Variants in KRR1 observed in about 807,000 individuals in gnomAD.
KRR1 encodes KRR1 small subunit processome component.
KRR1 carries 23 observed loss-of-function variants against 50.0 expected under a neutral mutation model. The observed-to-expected ratio is 0.46, with a 90% confidence interval of 0.33 to 0.65. KRR1 has a LOEUF of 0.65. KRR1 is among the 30% of genes least tolerant of loss of function. KRR1 has a pLI of 0.02. For missense variants in KRR1, 419 were observed against 442.4 expected (o/e 0.95, Z 0.47); for synonymous variants, 133 against 146.3 (o/e 0.91, Z 0.66).
At chr12:75,500,581 A>C (rs896040119) in intron 9 of KRR1, 3 of 152,056 alleles carry the variant, frequency 2.0e-5, no homozygotes, top group Non-Finnish European at 4.4e-5. Context: ...TGGTATATTT[A>C]ACAACATTTT....
chr12:75,500,379 TAA>T (rs1196189870), intron 9 of KRR1: 2 of 152,174 alleles, frequency 1.3e-5, no homozygotes, highest in African/African-American at 4.8e-5. Flanking sequence ...CCCTTCTCAA[TAA>T]GTTTAATCAG....
intron 1 of KRR1, among the ~76,000 whole-genome samples, chr12:75,510,436 A>G (rs533969995): frequency 1.5e-3 from 223 of 152,360 alleles, no homozygotes; most frequent in African/African-American, 4.3e-3. Flanking sequence ...ACAAGGAAAC[A>G]CCACATAACA....
chr12:75,506,409 G>T lies in KRR1; in HGVS notation c.520-10C>A, dbSNP rs1222184131. Reference sequence around the variant, plus strand: ...TTAAGAGTTCCAATGCCTGTATCAAGAGATCAAGTTAAAATTCATTACTCT... The same window carrying T: ...TTAAGAGTTCCAATGCCTGTATCAATAGATCAAGTTAAAATTCATTACTCT... On this transcript the variant is annotated splice_polypyrimidine_tract_variant and intron_variant, in intron 4 of 9. Transcript: ENST00000229214. The T allele has an allele frequency of 1.9e-6, 3 of 1,605,706 alleles. No homozygotes were observed. Among genetic ancestry groups the T allele is most frequent in the Admixed American group, 3.5e-5 (2 of 57,030 alleles).
At position 75,493,342 on chromosome 12, in the gene KRR1, T is replaced by G. The variant is rs1364901739; in HGVS notation, c.*6467A>C. The stretch of plus-strand genomic sequence containing the variant: ...TTATTTTCCTATACACAAAAAGTTG[T>G]AGGCCCCCATTCCACATAATCTTAG... On this transcript the variant is annotated 3_prime_UTR_variant, in exon 10 of 10. Coordinates refer to ENST00000229214, the MANE Select transcript of KRR1 (RefSeq NM_007043.7). 13 of 152,194 alleles carry G rather than the reference T, an allele frequency of 8.5e-5. No homozygotes were observed. Among genetic ancestry groups the G allele is most frequent in the Admixed American group, 8.5e-4 (13 of 15,272 alleles). 9.4% of individuals were successfully genotyped at this position (152,194 alleles called of 1,614,324 possible). A position where few individuals can be genotyped will look rare whatever the true frequency, so the allele number is the denominator to read the frequency against.
At chr12:75,506,162 C>T in intron 5 of KRR1, 154 bp downstream of exon 5, 1 of 552,042 alleles carries the variant, frequency 1.8e-6, no homozygotes, top group Non-Finnish European at 3.1e-6. Flanking sequence ...ATGATGATTC[C>T]CTTGAATTAT....
intron 5 of KRR1, 60 bp from the exon 6 acceptor site, chr12:75,505,314 G>T (rs1461515900): frequency 4.7e-6 from 7 of 1,478,070 alleles, no homozygotes; most frequent in African/African-American, 1.4e-5. Flanking sequence ...ATGGAGAAGA[G>T]GATTAATACT....
Position 75,498,947 on chromosome 12 carries a change from A to C in KRR1, c.*862T>G, listed in dbSNP as rs1241898244. ...GTTATAATTACCATTTTGGTACAGC[A>C]CAAGTACCCTAATTTAGTTCTTTTG... On this transcript the variant is annotated 3_prime_UTR_variant, in exon 10 of 10. Coordinates refer to ENST00000229214, the MANE Select transcript of KRR1 (RefSeq NM_007043.7). 1 of 1,604,482 alleles carries C rather than the reference A, an allele frequency of 6.2e-7. No individual in the cohort carries two copies. Among genetic ancestry groups the C allele is most frequent in the Non-Finnish European group, 8.5e-7 (1 of 1,175,922 alleles).
At chr12:75,505,395 T>C (rs2046417413) in intron 5 of KRR1, 141 bp from the exon 6 acceptor site, 1 of 780,204 alleles carries the variant, frequency 1.3e-6, no homozygotes. Context: ...TCAACTGCTC[T>C]GAGTGGCTTC....
At chr12:75,502,371 A>G (rs1301252982) in intron 7 of KRR1, 1 of 164,748 alleles carries the variant, frequency 6.1e-6, no homozygotes, top group Non-Finnish European at 1.3e-5. Context: ...AGAAGACTGT[A>G]AAGACCAAAG....
chr12:75,502,212 C>A, intron 7 of KRR1: 1 of 481,736 alleles, frequency 2.1e-6, no homozygotes, highest in Non-Finnish European at 3.7e-6. Flanking sequence ...GAATACAACC[C>A]AGAGTAGTTC....
chr12:75,499,739 G>A lies in KRR1; in HGVS notation c.*70C>T. 6 of 1,207,666 alleles carry A rather than the reference G, an allele frequency of 5.0e-6. No homozygotes were observed. The highest frequency in any genetic ancestry group is 1.7e-5 in the South Asian group (1 of 58,758). The allele number at this position is 1,207,666 out of a possible 1,614,324, so 74.8% of individuals were successfully genotyped here. On this transcript the variant is annotated 3_prime_UTR_variant, in exon 10 of 10. Transcript: ENST00000229214. ...CCTCAGAAAATTTCTCACAAATAAG[G>A]CAACTAATGCCTGATATCTCAAAAT...
chr12:75,499,871 T>TAAGA lies in KRR1; in HGVS notation c.1080_1083dup (p.Thr362SerfsTer4). On this transcript the variant is annotated frameshift_variant, in exon 10 of 10. Coordinates refer to ENST00000229214, the MANE Select transcript of KRR1 (RefSeq NM_007043.7). LOFTEE classifies it high-confidence loss of function. ...ATCTTAAGTGCAATTTCTTCAGCTG[T>TAAGA]AAGAGCTCCCAGTTTCTTATTCTTT... 6.2e-7 allele frequency: 1 copy of TAAGA among 1,609,678 alleles called. No homozygotes were observed. Among genetic ancestry groups the TAAGA allele is most frequent in the Non-Finnish European group, 8.5e-7 (1 of 1,178,092 alleles).
intron 9 of KRR1, 126 bp downstream of exon 9, chr12:75,501,597 G>A: frequency 1.5e-6 from 1 of 650,010 alleles, no homozygotes; most frequent in Non-Finnish European, 2.6e-6. Context: ...CTTAGGATTA[G>A]TAATTAATGA....
chr12:75,507,770 TCA>T (rs2046429282), intron 2 of KRR1, among the ~76,000 whole-genome samples: 1 of 151,966 alleles, frequency 6.6e-6, no homozygotes, highest in Non-Finnish European at 1.5e-5. Context: ...TTCTAAAGGC[TCA>T]TTATAGCCAT....
At position 75,506,351 on chromosome 12, in the gene KRR1, CTG is replaced by C. The variant is rs750164692; in HGVS notation, c.566_567del (p.Thr189SerfsTer8). 26 of 1,611,928 alleles carry C rather than the reference CTG, an allele frequency of 1.6e-5. No individual in the cohort carries two copies. The highest frequency in any genetic ancestry group is 2.2e-5 in the East Asian group (1 of 44,788). On this transcript the variant is annotated frameshift_variant, in exon 5 of 10. Transcript: ENST00000229214. LOFTEE classifies it high-confidence loss of function. ...CCACTAAAAGGTCCAATGGCTGAAA[CTG>C]TGTTTCCCTGAACCATAATGTAACA... ...TNCYIMVQGN[T>X]VSAIGPFSGL... is the part of the protein sequence containing the mutation.
In KRR1 at chr12:75,509,586, C is replaced by CTT. The variant is rs895198427; in HGVS notation, c.86-1142_86-1141dup. 4.8e-3 allele frequency among the ~76,000 whole-genome samples: 627 copies of CTT among 131,224 alleles called. 3 individuals carry two copies. The highest frequency in any genetic ancestry group is 0.04 in the Middle Eastern group (10 of 250). 86.1% of individuals were successfully genotyped at this position (131,224 alleles called of 152,430 possible). On this transcript the variant is annotated intron_variant, in intron 1 of 9. Coordinates refer to ENST00000229214, the MANE Select transcript of KRR1 (RefSeq NM_007043.7). The stretch of plus-strand genomic sequence containing the variant: ...GATTACTTATATACTATACACATTT[C>CTT]TTTTTTTTTTTTTTTTTTTAAAGAC...
rs2046416010 is a variant in KRR1 at position 75,505,104 on chromosome 12, T to C, written c.660+94A>G. On this transcript the variant is annotated intron_variant, in intron 6 of 9. Transcript: ENST00000229214. ...AGCTCTGCTTTATCTGTTTGTGCAT[T>C]AGAATTTCATAAAACATTTAATTTC... The C allele has an allele frequency of 7.8e-6, 10 of 1,280,256 alleles. No individual in the cohort carries two copies. In the Admixed American group the frequency reaches 2.7e-4, roughly 34 times the overall value. The allele number at this position is 1,280,256 out of a possible 1,614,324, so 79.3% of individuals were successfully genotyped here. A position where few individuals can be genotyped will look rare whatever the true frequency, so the allele number is the denominator to read the frequency against.
At chr12:75,509,388 CG>C (rs1024993049) in intron 1 of KRR1, among the ~76,000 whole-genome samples, 1 of 152,014 alleles carries the variant, frequency 6.6e-6, no homozygotes. Context: ...CTCTTAAGCA[CG>C]GTAAAGTTTG....
Position 75,508,257 on chromosome 12 carries a change from A to C in KRR1, c.258+17T>G. Reference sequence around the variant, plus strand: ...AGCAAAGTCTCAAATAAATGTATTGATATAAGATACACATACATGTTCATT... The same window carrying C: ...AGCAAAGTCTCAAATAAATGTATTGCTATAAGATACACATACATGTTCATT... On this transcript the variant is annotated intron_variant, in intron 2 of 9. Transcript: ENST00000229214. 6.4e-7 allele frequency: 1 copy of C among 1,568,576 alleles called. No individual in the cohort carries two copies. Among genetic ancestry groups the C allele is most frequent in the South Asian group, 1.2e-5 (1 of 86,020 alleles).
Sources: allele counts gnomAD v4.1 joint callset (sites outside exome capture counted in the v4.1 genomes callset), GRCh38; gene constraint gnomAD v4.1.1; transcripts MANE v1.5; gene names NCBI Gene and HGNC (gene_info 2026-07-23, HGNC 2026-07-21).